The following SRCAP variants were observed in gnomAD, a reference collection of about 807,000 sequenced individuals.
The protein encoded by SRCAP is Snf2 related CREBBP activator protein.
SRCAP carries 46 observed loss-of-function variants against 263.1 expected under a neutral mutation model. The ratio of observed to expected loss-of-function variants is 0.17; its 90% confidence interval spans 0.14 to 0.22. The LOEUF (loss-of-function observed/expected upper bound fraction) is 0.22, where lower values mean the gene tolerates loss of function less well. Ranked by LOEUF, SRCAP falls within the 10% of genes least tolerant of loss-of-function variation. The probability of loss-of-function intolerance (pLI) is 1.00; values close to 1 mark genes in which losing one functional copy is unlikely to be tolerated. For missense variants in SRCAP, 3,695 were observed against 4,181.9 expected (o/e 0.88, Z 3.21); for synonymous variants, 1,813 against 1,662.1 (o/e 1.09, Z -2.21).
In SRCAP at chr16:30,739,173, C is replaced by A; in HGVS notation, c.9133C>A (p.Gln3045Lys). 2.5e-6 allele frequency: 4 copies of A among 1,614,036 alleles called. No individual in the cohort carries two copies. The South Asian group carries it at 4.4e-5, about 18-fold the overall frequency. The change falls in exon 34 of 34, where the codon CAG becomes AAG. Residue 3045 changes from glutamine (Q) to lysine (K), a missense_variant. Physicochemically the swap from Gln to Lys is moderately conservative, Grantham distance 53 (BLOSUM62 1). Around this residue, in one of 12 missense-constraint regions of SRCAP, gnomAD observed 1,207 missense variants for 1,142.9 expected, o/e 1.06. Coordinates refer to ENST00000262518, the MANE Select transcript of SRCAP (RefSeq NM_006662.3). The part of the protein sequence containing the change: ...SCGLGRRRQP[Q>K]GQGESEGSSS... The stretch of plus-strand genomic sequence containing the variant: ...TGGATTGGGGAGGCGACGGCAACCC[C>A]AGGGCCAAGGGGAGAGTGAGGGTAG...
intron 31 of SRCAP, among the ~76,000 whole-genome samples, chr16:30,735,604 G>A (rs1036380773): frequency 2.1e-4 from 22 of 104,154 alleles, no homozygotes; most frequent in South Asian, 3.2e-4. Flanking sequence ...ACGGAGTCAC[G>A]GAGTCTTGCT....
In SRCAP at chr16:30,707,360, G is replaced by T. The variant is rs765285508; in HGVS notation, c.484G>T (p.Ala162Ser). 6.2e-7 allele frequency: 1 copy of T among 1,613,962 alleles called. No homozygotes were observed. The highest frequency in any genetic ancestry group is 8.5e-7 in the Non-Finnish European group (1 of 1,179,900). The change falls in exon 5 of 34, where the codon GCC becomes TCC. Residue 162 changes from alanine (A) to serine (S), a missense_variant. This residue lies in a region of SRCAP where 107 missense variants were observed against 223.8 expected (regional missense o/e 0.48). Coordinates refer to ENST00000262518, the MANE Select transcript of SRCAP (RefSeq NM_006662.3). ...AQERRWKRGV[A>S]RKVVRMVIRH... Reference sequence around the variant, plus strand: ...GGAGCGCCGTTGGAAACGGGGTGTGGCCCGGAAGGTAGGTCTTCCGCTGGG... The same window carrying T: ...GGAGCGCCGTTGGAAACGGGGTGTGTCCCGGAAGGTAGGTCTTCCGCTGGG...
rs1050929892 is a variant in SRCAP at position 30,705,894 on chromosome 16, C to T, written c.307-1289C>T. On this transcript the variant is annotated intron_variant, in intron 4 of 33. Coordinates refer to ENST00000262518, the MANE Select transcript of SRCAP (RefSeq NM_006662.3). ...TAATTTTTTGTGTTTTTAGTAGACA[C>T]GGGGTTTCACCGTTTTAGCCAAGAT... Among the ~76,000 whole-genome samples the T allele has an allele frequency of 6.6e-5, 10 of 152,100 alleles. No homozygotes were observed. The South Asian group carries it at 1.5e-3, about 22-fold the overall frequency.
intron 12 of SRCAP, 49 bp downstream of exon 12, chr16:30,712,206 G>T (rs200974827): frequency 6.2e-7 from 1 of 1,602,202 alleles, no homozygotes; most frequent in Non-Finnish European, 8.5e-7. Context: ...ACTTTCTCAT[G>T]TCCCCACAAC....
At chr16:30,707,460 A>G in intron 5 of SRCAP, 92 bp downstream of exon 5, 4 of 1,605,048 alleles carry the variant, frequency 2.5e-6, no homozygotes, top group Non-Finnish European at 3.4e-6. Flanking sequence ...TGGTGTAGGC[A>G]TTAAGAGCAA....
chr16:30,726,841 C>T (rs1373891926), intron 25 of SRCAP, among the ~76,000 whole-genome samples: 1 of 152,186 alleles, frequency 6.6e-6, no homozygotes, highest in Non-Finnish European at 1.5e-5. Flanking sequence ...GCTGGGACTA[C>T]AGGCATGGCG....
chr16:30,720,480 A>C, intron 19 of SRCAP, 149 bp downstream of exon 19: 1 of 1,080,936 alleles, frequency 9.3e-7, no homozygotes, highest in Non-Finnish European at 1.3e-6. Context: ...CAGGGAGAGA[A>C]TAACTAGAAG....
chr16:30,714,410 C>T (rs1478216575), intron 16 of SRCAP, among the ~76,000 whole-genome samples: 2 of 151,618 alleles, frequency 1.3e-5, no homozygotes, highest in African/African-American at 4.8e-5. Context: ...GGAGTTTCAC[C>T]GTGTTAGCCA....
intron 18 of SRCAP, among the ~76,000 whole-genome samples, chr16:30,719,049 G>C (rs2052982453): frequency 6.6e-6 from 1 of 151,266 alleles, no homozygotes; most frequent in African/African-American, 2.4e-5. Flanking sequence ...GACTACAGGT[G>C]TGCACAACCA....
chr16:30,710,857 G>A lies in SRCAP; in HGVS notation c.1228+10G>A. 6.2e-7 allele frequency: 1 copy of A among 1,613,946 alleles called. No individual in the cohort carries two copies. The highest frequency in any genetic ancestry group is 8.5e-7 in the Non-Finnish European group (1 of 1,179,838). On this transcript the variant is annotated intron_variant, in intron 9 of 33. Coordinates refer to ENST00000262518, the MANE Select transcript of SRCAP (RefSeq NM_006662.3). ...GCCAACGAAGAGGAAGGTCAGGGCT[G>A]TTCGGTTTGTCCTATTGCCCCTTAC...
chr16:30,728,892 T>A, intron 25 of SRCAP, 74 bp from the exon 26 acceptor site: 1 of 1,490,406 alleles, frequency 6.7e-7, no homozygotes, highest in Non-Finnish European at 8.9e-7. Context: ...TTTATTTCCA[T>A]CTGGGAAGAA....
chr16:30,738,795 C>T lies in SRCAP; in HGVS notation c.8755C>T (p.Leu2919Phe), dbSNP rs149217909. ...ACAGCTTATTCCTGGGCCCCAGCCT[C>T]TTGGACCCCAGCCAGTTCACAGACC... Reference protein sequence around the residue: ...EPQLIPGPQPLGPQPVHRPNP... With the variant: ...EPQLIPGPQPFGPQPVHRPNP... Residue 2919 changes from leucine to phenylalanine, a missense_variant, in exon 34 of 34, where the codon CTT (leucine) becomes TTT (phenylalanine). By Grantham distance (22) the Leu-to-Phe change is conservative. Transcript: ENST00000262518. The T allele has an allele frequency of 1.7e-3, 2,754 of 1,613,918 alleles. 7 individuals carry two copies. Among genetic ancestry groups the T allele is most frequent in the Middle Eastern group, 2.5e-3 (15 of 6,056 alleles).
At chr16:30,720,496 A>G (rs1216621289) in intron 19 of SRCAP, among the ~76,000 whole-genome samples, 165 bp downstream of exon 19, 1 of 152,160 alleles carries the variant, frequency 6.6e-6, no homozygotes, top group African/African-American at 2.4e-5. Context: ...AGAAGAGGGT[A>G]CTGGGATGGG....
chr16:30,739,004 T>C lies in SRCAP; in HGVS notation c.8964T>C (p.Thr2988=), dbSNP rs1002355551. The change falls in exon 34 of 34, where the codon ACT becomes ACC. Residue 2988 remains threonine (T), a synonymous_variant. Transcript: ENST00000262518. ...CACTGCTAGTTTGTCCCACTGCTAC[T>C]GTTGCCAACACTGTCACCACTGTCA... The part of the protein sequence containing the change: ...LPPLLVCPTA[T]VANTVTTVTI... 1 of 1,614,150 alleles carries C rather than the reference T, an allele frequency of 6.2e-7. No individual in the cohort carries two copies. The highest frequency in any genetic ancestry group is 8.5e-7 in the Non-Finnish European group (1 of 1,180,008).
rs765437444 is a variant in SRCAP at position 30,738,599 on chromosome 16, A to G, written c.8559A>G (p.Pro2853=). ...ACGGAGCACTGCTCGCCATCACCCC[A>G]CCTGCTGTGAAACGTCGGAGGGGGA... ...NGDGALLAIT[P]PAVKRRRGRP... The change falls in exon 34 of 34, where the codon CCA becomes CCG. Residue 2853 remains proline (P), a synonymous_variant. Coordinates refer to ENST00000262518, the MANE Select transcript of SRCAP (RefSeq NM_006662.3). 1.5e-5 allele frequency: 24 copies of G among 1,603,494 alleles called. No homozygotes were observed. The highest frequency in any genetic ancestry group is 2.0e-5 in the Non-Finnish European group (23 of 1,174,414).
In SRCAP at chr16:30,704,197, C is replaced by T. The variant is rs781397603; in HGVS notation, c.188C>T (p.Pro63Leu). ...QDSSLDGPPG[P>L]PDGATVPLEG... ...TCCTCACTGGATGGACCTCCAGGCC[C>T]CCCAGATGGTGCCACAGTGCCCCTG... Residue 63 changes from proline to leucine, a missense_variant, in exon 4 of 34, where the codon CCC (proline) becomes CTC (leucine). This residue lies in a region of SRCAP where 122 missense variants were observed against 116.9 expected (regional missense o/e 1.04). Coordinates refer to ENST00000262518, the MANE Select transcript of SRCAP (RefSeq NM_006662.3). 31 of 1,614,054 alleles carry T rather than the reference C, an allele frequency of 1.9e-5. No individual in the cohort carries two copies. The highest frequency in any genetic ancestry group is 2.5e-5 in the Non-Finnish European group (29 of 1,180,048).
rs922495314 is a variant in SRCAP, at chr16:30,722,542, TTC to T, written c.3707-15_3707-14del. 1.2e-6 allele frequency: 2 copies of T among 1,606,800 alleles called. No individual in the cohort carries two copies. The highest frequency in any genetic ancestry group is 1.7e-6 in the Non-Finnish European group (2 of 1,174,092). On this transcript the variant is annotated intron_variant, in intron 22 of 33. Transcript: ENST00000262518. Reference sequence around the variant, plus strand: ...GGCTGATAGCTGCTTCTCTCTCTCTTTCTCTCTTCCCTTAACCCAGGGAATGT... The same window carrying T: ...GGCTGATAGCTGCTTCTCTCTCTCTTTCTCTTCCCTTAACCCAGGGAATGT...
chr16:30,714,155 C>T (rs1341994105), intron 16 of SRCAP, among the ~76,000 whole-genome samples: 1 of 150,620 alleles, frequency 6.6e-6, no homozygotes, highest in Non-Finnish European at 1.5e-5. Flanking sequence ...AGCTTTGCCT[C>T]CCAGGTTCAT....
Position 30,711,010 on chromosome 16 carries a change from G to A in SRCAP, c.1240G>A (p.Glu414Lys). Reference protein sequence around the residue: ...TANEEEAEDEEDTIAAEEQLE... With the variant: ...TANEEEAEDEKDTIAAEEQLE... ...TGTCTCTTTCCTAGCGGAGGATGAA[G>A]AGGATACTATAGCAGCTGAGGAACA... The change falls in exon 10 of 34, where the codon GAG becomes AAG. Residue 414 changes from glutamate (E) to lysine (K), a missense_variant. Coordinates refer to ENST00000262518, the MANE Select transcript of SRCAP (RefSeq NM_006662.3). 1 of 1,614,084 alleles carries A rather than the reference G, an allele frequency of 6.2e-7. No individual in the cohort carries two copies. Among genetic ancestry groups the A allele is most frequent in the Non-Finnish European group, 8.5e-7 (1 of 1,179,996 alleles).
Sources: gnomAD v4.1 joint callset for allele counts (sites outside exome capture counted in the v4.1 genomes callset) on GRCh38, gnomAD v4.1.1 for gene constraint, gnomAD v4.1.1 regional missense constraint, MANE v1.5 for transcripts, NCBI Gene and HGNC (gene_info 2026-07-23, HGNC 2026-07-21) for gene names.